Variants in GMDS observed in about 807,000 individuals in gnomAD.
GMDS encodes the protein GDP-mannose 4,6-dehydratase.
GMDS carries 20 observed loss-of-function variants against 49.9 expected under a neutral mutation model. The ratio of observed to expected loss-of-function variants is 0.40; its 90% CI spans 0.28 to 0.58. The LOEUF (loss-of-function observed/expected upper bound fraction) is 0.58. GMDS is among the 20% of genes least tolerant of loss of function. The pLI is 0.42. For synonymous variants in GMDS, 177 were observed against 178.6 expected, an observed-to-expected ratio of 0.99 and a Z score of 0.07; for missense variants, 362 against 481.4, an observed-to-expected ratio of 0.75 and a Z score of 2.32.
intron 9 of GMDS, among the ~76,000 whole-genome samples, chr6:1,718,795 A>G (rs915029190): frequency 6.7e-6 from 1 of 149,538 alleles, no homozygotes; most frequent in African/African-American, 2.4e-5. Context: ...TCATATATAT[A>G]TATTTTCTCA....
chr6:1,998,667 T>C (rs926807308), intron 4 of GMDS, among the ~76,000 whole-genome samples: 2 of 152,208 alleles, frequency 1.3e-5, no homozygotes, highest in African/African-American at 4.8e-5. Flanking sequence ...ATTATTTACA[T>C]AGCATTTATA....
At chr6:1,716,354 A>T (rs556644884) in intron 9 of GMDS, among the ~76,000 whole-genome samples, 119 of 152,132 alleles carry the variant, frequency 7.8e-4, no homozygotes, top group African/African-American at 2.6e-3. Flanking sequence ...ACAGGTGAGG[A>T]GACACTCTTC....
At chr6:1,840,135 C>A (rs1007777179) in intron 7 of GMDS, among the ~76,000 whole-genome samples, 8 of 152,238 alleles carry the variant, frequency 5.3e-5, no homozygotes, top group African/African-American at 1.9e-4. Context: ...TGTCACAGTT[C>A]TTGAAATGTA....
intron 7 of GMDS, among the ~76,000 whole-genome samples, chr6:1,825,694 G>A (rs1283354023): frequency 6.6e-6 from 1 of 152,172 alleles, no homozygotes; most frequent in African/African-American, 2.4e-5. Context: ...CAGTTTTACT[G>A]TGCAGTAAAA....
At chr6:1,642,174 T>G (rs1763351040) in intron 9 of GMDS, among the ~76,000 whole-genome samples, 1 of 149,562 alleles carries the variant, frequency 6.7e-6, no homozygotes, top group Non-Finnish European at 1.5e-5. Flanking sequence ...TTTTTTTTTT[T>G]TTTTAAGAAA....
chr6:2,045,883 A>G (rs1156830622), intron 4 of GMDS, among the ~76,000 whole-genome samples: 1 of 152,238 alleles, frequency 6.6e-6, no homozygotes, highest in Admixed American at 6.5e-5. Flanking sequence ...GTCACTAAAA[A>G]CAATATGCAT....
intron 1 of GMDS, among the ~76,000 whole-genome samples, chr6:2,230,721 G>A (rs567516630): frequency 1.0e-3 from 156 of 151,452 alleles, no homozygotes; most frequent in African/African-American, 3.6e-3. Flanking sequence ...AAAAACCACC[G>A]TTGTCCATAA....
chr6:1,801,553 G>C (rs1480279863), intron 7 of GMDS, among the ~76,000 whole-genome samples: 2 of 152,268 alleles, frequency 1.3e-5, no homozygotes, highest in Non-Finnish European at 2.9e-5. Flanking sequence ...CTCACATGAT[G>C]CATTCCCCAC....
chr6:1,643,759 C>T (rs897691621), intron 9 of GMDS, among the ~76,000 whole-genome samples: 2 of 152,034 alleles, frequency 1.3e-5, no homozygotes, highest in African/African-American at 4.8e-5. Flanking sequence ...GACTAAAACC[C>T]ATTGATCATA....
chr6:2,217,873 T>G (rs1780411003), intron 1 of GMDS, among the ~76,000 whole-genome samples: 1 of 152,142 alleles, frequency 6.6e-6, no homozygotes, highest in Non-Finnish European at 1.5e-5. Flanking sequence ...ATCCTTCTTT[T>G]AAAGGAGTAA....
chr6:2,181,955 C>T (rs1346454755), intron 1 of GMDS, among the ~76,000 whole-genome samples: 1 of 152,178 alleles, frequency 6.6e-6, no homozygotes, highest in Non-Finnish European at 1.5e-5. Context: ...AAGTCAAGAC[C>T]GGCTGAAAGG....
chr6:2,050,367 G>C (rs1770307779), intron 4 of GMDS, among the ~76,000 whole-genome samples: 1 of 152,178 alleles, frequency 6.6e-6, no homozygotes, highest in African/African-American at 2.4e-5. Flanking sequence ...AACAGGCTCT[G>C]AAATTGAGGC....
At chr6:1,934,102 C>A (rs541509623) in intron 6 of GMDS, among the ~76,000 whole-genome samples, 131 of 152,156 alleles carry the variant, frequency 8.6e-4, no homozygotes, top group African/African-American at 3.0e-3. Flanking sequence ...TGTTGACATC[C>A]AGCTGTCTCA....
chr6:1,979,145 C>A (rs950539041), intron 4 of GMDS, among the ~76,000 whole-genome samples: 1 of 152,218 alleles, frequency 6.6e-6, no homozygotes, highest in African/African-American at 2.4e-5. Context: ...GCCCCTTTTC[C>A]TCCAAATGAC....
intron 9 of GMDS, among the ~76,000 whole-genome samples, chr6:1,672,475 C>T (rs1408325289): frequency 4.6e-5 from 7 of 152,210 alleles, no homozygotes; most frequent in Middle Eastern, 3.2e-3. Flanking sequence ...TGAAATTTCC[C>T]GCTCTATGTC....
intron 9 of GMDS, among the ~76,000 whole-genome samples, chr6:1,657,516 A>C (rs1044063735): frequency 3.3e-5 from 5 of 152,234 alleles, no homozygotes; most frequent in Non-Finnish European, 7.3e-5. Context: ...ATTATTTTAC[A>C]GCATTGACTA....
intron 4 of GMDS, among the ~76,000 whole-genome samples, chr6:2,037,702 A>G (rs923407918): frequency 1.3e-5 from 2 of 152,146 alleles, no homozygotes; most frequent in African/African-American, 2.4e-5. Flanking sequence ...CTGTGAATAG[A>G]AAGAAGTGGT....
intron 6 of GMDS, among the ~76,000 whole-genome samples, chr6:1,956,793 C>A (rs1194600595): frequency 6.6e-6 from 1 of 151,474 alleles, no homozygotes; most frequent in Admixed American, 6.6e-5. Flanking sequence ...CAGATTGAAT[C>A]TTTACTTCAA....
chr6:1,887,875 G>C (rs553562440), intron 7 of GMDS, among the ~76,000 whole-genome samples: 2 of 152,182 alleles, frequency 1.3e-5, no homozygotes, highest in Non-Finnish European at 2.9e-5. Context: ...ATCATCTCTA[G>C]ATTACCCATA....
Sources: gnomAD v4.1 joint callset for allele counts (sites outside exome capture counted in the v4.1 genomes callset) on GRCh38, gnomAD v4.1.1 for gene constraint, MANE v1.5 for transcripts, NCBI Gene and HGNC (gene_info 2026-07-23, HGNC 2026-07-21) for gene names.